The following ATP8B1 variants were observed in gnomAD, a reference collection of about 807,000 sequenced individuals.
ATP8B1 encodes the protein phospholipid-transporting ATPase IC.
Under a neutral mutation model 149.9 loss-of-function variants are expected in ATP8B1, and 80 were observed. That is an observed-to-expected ratio of 0.53 (90% CI 0.45 to 0.64). The LOEUF (loss-of-function observed/expected upper bound fraction) is 0.64. ATP8B1 is among the 30% of genes least tolerant of loss of function. The pLI is 0.00. For missense variants in ATP8B1, 1,247 were observed against 1,552.6 expected, an observed-to-expected ratio of 0.80 and a Z score of 3.31; for synonymous variants, 536 against 562.8, an observed-to-expected ratio of 0.95 and a Z score of 0.67.
chr18:57,702,221 C>T (rs1913164015), intron 4 of ATP8B1, among the ~76,000 whole-genome samples: 1 of 152,204 alleles, frequency 6.6e-6, no homozygotes, highest in Non-Finnish European at 1.5e-5. Context: ...GCTGGCCTTC[C>T]TCCATCAAGA....
At chr18:57,672,764 G>C (rs1224924014) in intron 16 of ATP8B1, among the ~76,000 whole-genome samples, 1 of 149,530 alleles carries the variant, frequency 6.7e-6, no homozygotes, top group African/African-American at 2.5e-5. Context: ...TACTCAGAAG[G>C]CTGAGGCAGG....
At chr18:57,711,141 T>C (rs1913668061) in intron 2 of ATP8B1, among the ~76,000 whole-genome samples, 1 of 152,056 alleles carries the variant, frequency 6.6e-6, no homozygotes, top group Admixed American at 6.6e-5. Context: ...ATCTCAAAAT[T>C]TAACACACAC....
rs200833770 is a variant in ATP8B1, at chr18:57,662,475, A to G, written c.2418+8T>C. Reference sequence around the variant, plus strand: ...AGTTAAAGGCACAGATACACTAATGATACGTACCAACCAAGAACCAGTGAT... The same window carrying G: ...AGTTAAAGGCACAGATACACTAATGGTACGTACCAACCAAGAACCAGTGAT... On this transcript the variant is annotated splice_region_variant and intron_variant, in intron 21 of 27. Coordinates refer to ENST00000648908, the MANE Select transcript of ATP8B1 (RefSeq NM_001374385.1). 2 of 1,613,970 alleles carry G rather than the reference A, an allele frequency of 1.2e-6. No homozygotes were observed. Among genetic ancestry groups the G allele is most frequent in the African/African-American group, 1.3e-5 (1 of 74,926 alleles).
At chr18:57,692,065 C>A in intron 11 of ATP8B1, 68 bp from the exon 12 acceptor site, 1 of 1,555,750 alleles carries the variant, frequency 6.4e-7, no homozygotes. Context: ...TTCCTAGATG[C>A]TAATTAACCT....
intron 1 of ATP8B1, among the ~76,000 whole-genome samples, chr18:57,788,503 C>T (rs778170806): frequency 2.3e-4 from 35 of 151,012 alleles, no homozygotes; most frequent in Non-Finnish European, 4.9e-4. Flanking sequence ...CCTGGTGAGC[C>T]GTGATTGTGC....
intron 16 of ATP8B1, among the ~76,000 whole-genome samples, chr18:57,672,886 GTATATA>G (rs1198919117): frequency 2.7e-3 from 38 of 14,060 alleles, no homozygotes; most frequent in African/African-American, 8.1e-3. Flanking sequence ...AAAAAAAAAA[GTATATA>G]TATATATATA....
intron 2 of ATP8B1, among the ~76,000 whole-genome samples, chr18:57,730,238 G>C (rs867049991): frequency 6.7e-6 from 1 of 149,010 alleles, no homozygotes; most frequent in African/African-American, 2.5e-5. Context: ...GAAACTAGAG[G>C]GGGGGTTTGG....
intron 27 of ATP8B1, among the ~76,000 whole-genome samples, chr18:57,649,025 G>A (rs948323105): frequency 4.6e-5 from 7 of 152,102 alleles, no homozygotes; most frequent in African/African-American, 1.7e-4. Context: ...AGCCTCCTGA[G>A]TAACTGGGGT....
At chr18:57,798,825 A>C (rs2080544374) in intron 1 of ATP8B1, among the ~76,000 whole-genome samples, 1 of 152,094 alleles carries the variant, frequency 6.6e-6, no homozygotes, top group South Asian at 2.1e-4. Context: ...GGGCTTAAGA[A>C]CAACAGTGTA....
At chr18:57,742,339 A>G (rs915381559) in intron 1 of ATP8B1, among the ~76,000 whole-genome samples, 6 of 152,216 alleles carry the variant, frequency 3.9e-5, no homozygotes, top group Non-Finnish European at 7.3e-5. Flanking sequence ...ACAGGATTAC[A>G]TTTTTTATTT....
At chr18:57,795,961 G>C (rs2080511270) in intron 1 of ATP8B1, among the ~76,000 whole-genome samples, 1 of 152,052 alleles carries the variant, frequency 6.6e-6, no homozygotes, top group Admixed American at 6.6e-5. Flanking sequence ...TTGAGGTCAG[G>C]AGTTCAAGAT....
rs1443800628 is a variant in ATP8B1, at chr18:57,684,077, A to G, written c.1589T>C (p.Leu530Ser). 7 of 1,614,078 alleles carry G rather than the reference A, an allele frequency of 4.3e-6. No individual in the cohort carries two copies. The highest frequency in any genetic ancestry group is 4.2e-6 in the Non-Finnish European group (5 of 1,179,966). The change falls in exon 15 of 28, where the codon TTG becomes TCG. Residue 530 changes from leucine to serine, a missense_variant. Leu to Ser is a moderately radical substitution (Grantham distance 145, BLOSUM62 -2). This residue lies in a region of ATP8B1 where 853 missense variants were observed against 1,035.7 expected (regional missense o/e 0.82). Transcript: ENST00000648908. ...KEPEVRQFFFLLAVCHTVMVD... is the reference protein window; with the variant it reads ...KEPEVRQFFFSLAVCHTVMVD... Reference sequence around the variant, plus strand: ...CATGACTGTGTGGCAAACTGCGAGCAAGAAGAAGAACTGTCGTACTTCTGG... The same window carrying G: ...CATGACTGTGTGGCAAACTGCGAGCGAGAAGAAGAACTGTCGTACTTCTGG...
chr18:57,699,002 A>C (rs1013974551), intron 6 of ATP8B1, among the ~76,000 whole-genome samples: 81 of 152,360 alleles, frequency 5.3e-4, no homozygotes, highest in African/African-American at 1.7e-3. Flanking sequence ...CAACATGCAG[A>C]AAGTACTCCA....
At position 57,688,471 on chromosome 18, in the gene ATP8B1, G is replaced by A; in HGVS notation, c.1257C>T (p.Ile419=). 6.2e-7 allele frequency: 1 copy of A among 1,614,170 alleles called. No individual in the cohort carries two copies. The highest frequency in any genetic ancestry group is 8.5e-7 in the Non-Finnish European group (1 of 1,180,046). ...EVIRLGQSHF[I]NWDLQMYYAE... is the part of the protein sequence containing the mutation. ...CATAGTACATTTGCAGGTCCCAGTT[G>A]ATGAAGTGACTCTGTCCAAGACGAA... is the stretch of plus-strand genomic sequence containing the variant. Residue 419 remains isoleucine (I), a synonymous_variant, in exon 13 of 28, where the codon ATC becomes ATT. Coordinates refer to ENST00000648908, the MANE Select transcript of ATP8B1 (RefSeq NM_001374385.1).
At chr18:57,785,219 A>G (rs2080395120) in intron 1 of ATP8B1, among the ~76,000 whole-genome samples, 1 of 152,248 alleles carries the variant, frequency 6.6e-6, no homozygotes, top group South Asian at 2.1e-4. Context: ...TGACAACAAC[A>G]TAAACCCAAA....
Position 57,691,801 on chromosome 18 carries a change from C to G in ATP8B1, c.1220+6G>C. 1 of 1,613,992 alleles carries G rather than the reference C, an allele frequency of 6.2e-7. No individual in the cohort carries two copies. The highest frequency in any genetic ancestry group is 8.5e-7 in the Non-Finnish European group (1 of 1,179,978). On this transcript the variant is annotated splice_donor_region_variant and intron_variant, in intron 12 of 27. Coordinates refer to ENST00000648908, the MANE Select transcript of ATP8B1 (RefSeq NM_001374385.1). The stretch of plus-strand genomic sequence containing the variant: ...TAAAGCAAAATGCCAGAGAGGACAG[C>G]CTTACCTGACATAGAGAGAGATGGG...
intron 1 of ATP8B1, among the ~76,000 whole-genome samples, chr18:57,788,821 C>T (rs2080434488): frequency 6.6e-6 from 1 of 152,174 alleles, no homozygotes; most frequent in African/African-American, 2.4e-5. Context: ...AGTGACTCAC[C>T]AGAGCTGACA....
intron 16 of ATP8B1, 60 bp downstream of exon 16, chr18:57,674,774 C>G (rs1337469417): frequency 6.3e-7 from 1 of 1,577,238 alleles, no homozygotes; most frequent in African/African-American, 1.3e-5. Context: ...CCACTCAATA[C>G]AATGGGCACA....
At chr18:57,795,638 C>T (rs969984675) in intron 1 of ATP8B1, among the ~76,000 whole-genome samples, 3 of 152,066 alleles carry the variant, frequency 2.0e-5, no homozygotes, top group Non-Finnish European at 4.4e-5. Flanking sequence ...TTCCACTTAA[C>T]CTGAGGTACT....
Sources: gnomAD v4.1 joint callset for allele counts (sites outside exome capture counted in the v4.1 genomes callset) on GRCh38, gnomAD v4.1.1 for gene constraint, gnomAD v4.1.1 regional missense constraint, MANE v1.5 for transcripts, NCBI Gene and HGNC (gene_info 2026-07-23, HGNC 2026-07-21) for gene names.